Variants in MTSS2 observed in about 807,000 individuals in gnomAD.
The protein encoded by MTSS2 is protein MTSS 2.
A neutral mutation model predicts 67.1 loss-of-function variants in MTSS2; 27 were observed. The ratio of observed to expected loss-of-function variants is 0.40; its 90% CI spans 0.30 to 0.55. The LOEUF (loss-of-function observed/expected upper bound fraction) is 0.55. Among genes scored for constraint, MTSS2 ranks in the 20% least tolerant of loss-of-function variants. The probability of loss-of-function intolerance (pLI) is 0.43; values close to 1 mark genes in which losing one functional copy is unlikely to be tolerated. For missense variants in MTSS2, 1,171 were observed against 1,067.8 expected, an observed-to-expected ratio of 1.10 and a Z score of -1.35; for synonymous variants, 624 against 468.6, an observed-to-expected ratio of 1.33 and a Z score of -4.28.
rs1319686403 is a variant in MTSS2 at position 70,665,529 on chromosome 16, G to A, written c.1065C>T (p.Ser355=). Residue 355 remains serine (S), a synonymous_variant, in exon 12 of 15, where the codon AGC becomes AGT. Coordinates refer to ENST00000338779, the MANE Select transcript of MTSS2 (RefSeq NM_138383.3). ...TTTCCGAGGCCTCGGAAGATGCAGA[G>A]CTGGAGGACTTCTGCCATGCAGAGG... ...PSDITSQKSS[S]SASSEASETC... is the part of the protein sequence containing the mutation. The A allele has an allele frequency of 2.6e-6, 4 of 1,548,414 alleles. No homozygotes were observed. Among genetic ancestry groups the A allele is most frequent in the Non-Finnish European group, 3.5e-6 (4 of 1,147,246 alleles).
chr16:70,667,706 C>T (rs994281731), intron 11 of MTSS2, among the ~76,000 whole-genome samples: 8 of 152,194 alleles, frequency 5.3e-5, no homozygotes, highest in African/African-American at 1.9e-4. Flanking sequence ...AACACTGTCT[C>T]TACTAAAAAT....
chr16:70,675,142 C>A (rs2053075712), intron 10 of MTSS2, among the ~76,000 whole-genome samples: 1 of 151,466 alleles, frequency 6.6e-6, no homozygotes, highest in Admixed American at 6.6e-5. Context: ...AACAGTTGTC[C>A]TGTCTGGGCG....
rs1373140853 is a variant in MTSS2, at chr16:70,661,665, A to T, written c.*2012T>A. The T allele has an allele frequency of 6.0e-6, 2 of 333,824 alleles. No homozygotes were observed. The highest frequency in any genetic ancestry group is 4.4e-5 in the African/African-American group (2 of 45,706). 20.7% of individuals were successfully genotyped at this position (333,824 alleles called of 1,614,324 possible). A position where few individuals can be genotyped will look rare whatever the true frequency, so the allele number is the denominator to read the frequency against. ...GCGGGGGTGGTCTCAGGGATGGACA[A>T]GGGGATGGAGTAGAGTATGTACAGC... On this transcript the variant is annotated 3_prime_UTR_variant, in exon 15 of 15. Coordinates refer to ENST00000338779, the MANE Select transcript of MTSS2 (RefSeq NM_138383.3).
intron 10 of MTSS2, among the ~76,000 whole-genome samples, chr16:70,675,109 G>GA (rs113047682): frequency 0.092 from 12,671 of 137,506 alleles, 560 homozygotes; most frequent in Middle Eastern, 0.12. Flanking sequence ...GCTCTGTCTT[G>GA]AAAAAAAAAA....
chr16:70,680,918 G>GGGGGGGGGGGGGGGGCCCCC, intron 2 of MTSS2, 46 bp downstream of exon 2: 1 of 1,097,874 alleles, frequency 9.1e-7, no homozygotes, highest in Non-Finnish European at 1.3e-6. Context: ...CGGGGGGGGG[G>GGGGGGGGGGGGGGGGCCCCC]CCTCTGCCTG....
Position 70,664,723 on chromosome 16 carries a change from A to G in MTSS2, c.1346T>C (p.Met449Thr). The G allele has an allele frequency of 6.2e-7, 1 of 1,613,104 alleles. No homozygotes were observed. The highest frequency in any genetic ancestry group is 1.1e-5 in the South Asian group (1 of 90,970). ...EVSPAASDLA[M>T]VLTRGLSLEH... ...CAGGCTCAGGCCCCGCGTCAGCACC[A>G]TGGCCAGGTCACTGGCGGCGGGGGA... The change falls in exon 14 of 15, where the codon ATG (methionine) becomes ACG (threonine). Residue 449 changes from methionine to threonine, a missense_variant. Coordinates refer to ENST00000338779, the MANE Select transcript of MTSS2 (RefSeq NM_138383.3).
At chr16:70,671,363 T>C (rs1435289186) in intron 11 of MTSS2, among the ~76,000 whole-genome samples, 2 of 149,640 alleles carry the variant, frequency 1.3e-5, no homozygotes, top group Non-Finnish European at 1.5e-5. Flanking sequence ...GATCGCACCA[T>C]TGCACTCCAG....
At chr16:70,681,664 C>G (rs1048869171) in intron 1 of MTSS2, among the ~76,000 whole-genome samples, 25 of 152,368 alleles carry the variant, frequency 1.6e-4, no homozygotes, top group African/African-American at 5.8e-4. Context: ...GGGCCTTGTG[C>G]GGCCAACAGA....
At chr16:70,672,769 T>G (rs1181208248) in intron 11 of MTSS2, among the ~76,000 whole-genome samples, 1 of 141,840 alleles carries the variant, frequency 7.1e-6, no homozygotes, top group East Asian at 2.1e-4. Flanking sequence ...AGATAGAAAA[T>G]ATGAGCTCAG....
chr16:70,679,624 C>G lies in MTSS2; in HGVS notation c.457+6G>C. 6.3e-7 allele frequency: 1 copy of G among 1,598,548 alleles called. No homozygotes were observed. Among genetic ancestry groups the G allele is most frequent in the Non-Finnish European group, 8.5e-7 (1 of 1,172,826 alleles). On this transcript the variant is annotated splice_donor_region_variant and intron_variant, in intron 6 of 14. Coordinates refer to ENST00000338779, the MANE Select transcript of MTSS2 (RefSeq NM_138383.3). ...GCTGTGGCTGGGGGGCCGCGCCAGG[C>G]ACTACCTTTGCGCGCCTTCTTCTGC...
intron 11 of MTSS2, among the ~76,000 whole-genome samples, chr16:70,668,869 A>C (rs1021387394): frequency 6.6e-6 from 1 of 152,062 alleles, no homozygotes; most frequent in Non-Finnish European, 1.5e-5. Flanking sequence ...TGAGCGCTAC[A>C]TTTCTGTAGT....
intron 11 of MTSS2, among the ~76,000 whole-genome samples, chr16:70,668,970 G>C (rs942064309): frequency 6.6e-6 from 1 of 151,886 alleles, no homozygotes; most frequent in Admixed American, 6.6e-5. Flanking sequence ...GGGTCAATTG[G>C]ATATCCATAT....
chr16:70,672,105 T>C (rs1481985725), intron 11 of MTSS2, among the ~76,000 whole-genome samples: 3 of 152,098 alleles, frequency 2.0e-5, no homozygotes, highest in African/African-American at 7.2e-5. Flanking sequence ...CCCAGCACTT[T>C]GGGAGGCCGA....
chr16:70,662,565 A>T lies in MTSS2; in HGVS notation c.*1112T>A, dbSNP rs1471618389. 6.6e-6 allele frequency: 1 copy of T among 152,206 alleles called. No individual in the cohort carries two copies. The highest frequency in any genetic ancestry group is 1.5e-5 in the Non-Finnish European group (1 of 68,084). 9.4% of individuals were successfully genotyped at this position (152,206 alleles called of 1,614,324 possible). ...GACAGGCCGGGAGCCTCCCAACCTT[A>T]TTTTGGCTACGCTCGAGACACTGGA... On this transcript the variant is annotated 3_prime_UTR_variant, in exon 15 of 15. Coordinates refer to ENST00000338779, the MANE Select transcript of MTSS2 (RefSeq NM_138383.3).
intron 11 of MTSS2, 39 bp from the exon 12 acceptor site, chr16:70,665,579 G>A (rs915317808): frequency 2.6e-6 from 4 of 1,519,202 alleles, no homozygotes; most frequent in East Asian, 4.9e-5. Context: ...CAGACAGAGG[G>A]GCCGGCAGGC....
chr16:70,662,499 C>T lies in MTSS2; in HGVS notation c.*1178G>A, dbSNP rs900800242. 6.6e-6 allele frequency: 1 copy of T among 152,376 alleles called. No individual in the cohort carries two copies. The highest frequency in any genetic ancestry group is 1.5e-5 in the Non-Finnish European group (1 of 68,174). The allele number at this position is 152,376 out of a possible 1,614,324, so 9.4% of individuals were successfully genotyped here. The stretch of plus-strand genomic sequence containing the variant: ...GAGTCAAAGCCAATCTTCCCAGACT[C>T]GCTCCCCCACCTGGGCTTGCAGCCA... On this transcript the variant is annotated 3_prime_UTR_variant, in exon 15 of 15. Coordinates refer to ENST00000338779, the MANE Select transcript of MTSS2 (RefSeq NM_138383.3).
At chr16:70,666,283 T>C (rs933123418) in intron 11 of MTSS2, among the ~76,000 whole-genome samples, 1 of 151,546 alleles carries the variant, frequency 6.6e-6, no homozygotes, top group Non-Finnish European at 1.5e-5. Context: ...ACTGCTACCA[T>C]AGAAGGGGGT....
Position 70,664,664 on chromosome 16 carries a change from A to T in MTSS2, c.1405T>A (p.Tyr469Asn), listed in dbSNP as rs1464225643. ...GTCTGCGTGCTGTAGCCGCTGGAGT[A>T]CTGCAGCGAGTCCCGGCTGCTCTTC... is the stretch of plus-strand genomic sequence containing the variant. ...HQKSSRDSLQ[Y>N]SSGYSTQTTT... is the part of the protein sequence containing the mutation. The change falls in exon 14 of 15, where the codon TAC (tyrosine) becomes AAC (asparagine). Residue 469 changes from tyrosine (Y) to asparagine (N), a missense_variant. Coordinates refer to ENST00000338779, the MANE Select transcript of MTSS2 (RefSeq NM_138383.3). 4.3e-6 allele frequency: 7 copies of T among 1,613,280 alleles called. No individual in the cohort carries two copies. The highest frequency in any genetic ancestry group is 2.7e-5 in the African/African-American group (2 of 74,916).
chr16:70,666,316 G>C lies in MTSS2; in HGVS notation c.1054-776C>G, dbSNP rs1273379019. 2.0e-5 allele frequency among the ~76,000 whole-genome samples: 3 copies of C among 152,194 alleles called. No homozygotes were observed. The South Asian group carries it at 6.2e-4, about 32-fold the overall frequency. On this transcript the variant is annotated intron_variant, in intron 11 of 14. Coordinates refer to ENST00000338779, the MANE Select transcript of MTSS2 (RefSeq NM_138383.3). ...GGTGGGGGAAGGCTGTTTTAAAGTG[G>C]ACTGAAGTATGAAAGGGACACACCT...
Sources: gnomAD v4.1 joint callset for allele counts (sites outside exome capture counted in the v4.1 genomes callset) on GRCh38, gnomAD v4.1.1 for gene constraint, MANE v1.5 for transcripts, NCBI Gene and HGNC (gene_info 2026-07-23, HGNC 2026-07-21) for gene names.